Variants in CHMP4B observed in about 807,000 individuals in gnomAD.
The protein encoded by CHMP4B is charged multivesicular body protein 4B.
Under a neutral mutation model 25.1 loss-of-function variants are expected in CHMP4B, and 1 was observed. That is an observed-to-expected ratio of 0.04 (90% CI 0.01 to 0.19). The LOEUF (loss-of-function observed/expected upper bound fraction) is 0.19. Among genes scored for constraint, CHMP4B ranks in the 10% least tolerant of loss-of-function variants. The pLI is 1.00. For synonymous variants in CHMP4B, 101 were observed against 115.6 expected, an observed-to-expected ratio of 0.87 and a Z score of 0.81; for missense variants, 151 against 289.7, an observed-to-expected ratio of 0.52 and a Z score of 3.48.
intron 1 of CHMP4B, among the ~76,000 whole-genome samples, chr20:33,837,982 T>C (rs1208824981): frequency 6.6e-6 from 1 of 152,184 alleles, no homozygotes; most frequent in Non-Finnish European, 1.5e-5. Context: ...GTGTCCTTGA[T>C]GAGGAGTCTG....
chr20:33,824,174 A>G (rs752629298), intron 1 of CHMP4B, among the ~76,000 whole-genome samples: 8 of 152,218 alleles, frequency 5.3e-5, no homozygotes, highest in Non-Finnish European at 8.8e-5. Context: ...AGCCTTATGT[A>G]GGGCAGATTA....
intron 1 of CHMP4B, among the ~76,000 whole-genome samples, chr20:33,837,837 G>T (rs1437098227): frequency 6.6e-6 from 1 of 152,180 alleles, no homozygotes; most frequent in East Asian, 1.9e-4. Context: ...ACATTTTCTG[G>T]ATCACACAAG....
intron 2 of CHMP4B, 70 bp from the exon 3 acceptor site, chr20:33,850,882 C>T (rs965776508): frequency 2.0e-5 from 22 of 1,118,180 alleles, no homozygotes; most frequent in Non-Finnish European, 2.7e-5. Flanking sequence ...TTTCTGCTCC[C>T]GCCTTGCCTT....
At position 33,811,458 on chromosome 20, in the gene CHMP4B, G is replaced by T. The variant is rs1205862038; in HGVS notation, c.-11G>T. On this transcript the variant is annotated 5_prime_UTR_variant, in exon 1 of 5. Coordinates refer to ENST00000217402, the MANE Select transcript of CHMP4B (RefSeq NM_176812.5). ...AGCGGGCGGCGAAGGCCGGCGCGGC[G>T]AGCAGCAACCATGTCGGTGTTCGGG... 8 of 1,516,226 alleles carry T rather than the reference G, an allele frequency of 5.3e-6. No homozygotes were observed. The highest frequency in any genetic ancestry group is 4.5e-5 in the Admixed American group (2 of 44,558). The allele number at this position is 1,516,226 out of a possible 1,614,324, so 93.9% of individuals were successfully genotyped here.
At chr20:33,848,028 C>CT (rs1979735680) in intron 1 of CHMP4B, among the ~76,000 whole-genome samples, 1 of 151,992 alleles carries the variant, frequency 6.6e-6, no homozygotes, top group Non-Finnish European at 1.5e-5. Flanking sequence ...ATGGGAGCCG[C>CT]TTTTTTTGAG....
intron 1 of CHMP4B, among the ~76,000 whole-genome samples, chr20:33,841,865 G>A (rs1979551414): frequency 6.6e-6 from 1 of 152,176 alleles, no homozygotes; most frequent in African/African-American, 2.4e-5. Flanking sequence ...TAGGCAGACT[G>A]TTTTCCTTAT....
Position 33,853,619 on chromosome 20 carries a change from G to T in CHMP4B, c.*59G>T. On this transcript the variant is annotated 3_prime_UTR_variant, in exon 5 of 5. Transcript: ENST00000217402. ...GTGGTGGCCTGCGCAGCGAGCAGGC[G>T]TGTGCGTGTGTGGGGCAGGCAGGAT... The T allele has an allele frequency of 7.0e-7, 1 of 1,432,236 alleles. No individual in the cohort carries two copies. Among genetic ancestry groups the T allele is most frequent in the Non-Finnish European group, 9.9e-7 (1 of 1,014,712 alleles). The allele number at this position is 1,432,236 out of a possible 1,614,324, so 88.7% of individuals were successfully genotyped here.
intron 1 of CHMP4B, among the ~76,000 whole-genome samples, chr20:33,833,912 C>G (rs1306698843): frequency 6.6e-6 from 1 of 152,160 alleles, no homozygotes; most frequent in African/African-American, 2.4e-5. Context: ...CCCTAGTTCC[C>G]TAGCAGGGTA....
chr20:33,836,543 C>A (rs1221761727), intron 1 of CHMP4B, among the ~76,000 whole-genome samples: 1 of 152,046 alleles, frequency 6.6e-6, no homozygotes, highest in Non-Finnish European at 1.5e-5. Context: ...TCTCTGTCAT[C>A]CTTTTGAGTG....
At chr20:33,849,296 C>T (rs1208723591) in intron 2 of CHMP4B, among the ~76,000 whole-genome samples, 2 of 152,208 alleles carry the variant, frequency 1.3e-5, no homozygotes, top group African/African-American at 4.8e-5. Flanking sequence ...AGGCCTCTCT[C>T]TTGAATACAA....
intron 1 of CHMP4B, among the ~76,000 whole-genome samples, chr20:33,811,876 C>T (rs1978631082): frequency 6.6e-6 from 1 of 152,156 alleles, no homozygotes; most frequent in Non-Finnish European, 1.5e-5. Context: ...CCTCTCCCCT[C>T]AGCCTCTCTC....
chr20:33,836,503 G>A lies in CHMP4B; in HGVS notation c.191-11964G>A, dbSNP rs541985738. The stretch of plus-strand genomic sequence containing the variant: ...TAGCTGAGGAAGAGGCACTATGACT[G>A]GCCCCATGTGAGTACTTAATATTAT... On this transcript the variant is annotated intron_variant, in intron 1 of 4. Transcript: ENST00000217402. Among the ~76,000 whole-genome samples, 16 of 152,038 alleles carry A rather than the reference G, an allele frequency of 1.1e-4. No individual in the cohort carries two copies. In the South Asian group the frequency reaches 3.1e-3, roughly 30 times the overall value.
intron 1 of CHMP4B, among the ~76,000 whole-genome samples, chr20:33,813,485 A>G (rs1287059885): frequency 1.3e-5 from 2 of 152,128 alleles, no homozygotes; most frequent in Non-Finnish European, 2.9e-5. Flanking sequence ...AGGCAGCTGC[A>G]GTGGTCCATT....
chr20:33,839,747 G>A (rs989655893), intron 1 of CHMP4B, among the ~76,000 whole-genome samples: 1 of 152,062 alleles, frequency 6.6e-6, no homozygotes, highest in Non-Finnish European at 1.5e-5. Context: ...TTGGTGCGGG[G>A]TAGACGCTCT....
At chr20:33,811,809 G>T (rs779712898) in intron 1 of CHMP4B, 151 bp downstream of exon 1, 1 of 786,276 alleles carries the variant, frequency 1.3e-6, no homozygotes, top group Non-Finnish European at 2.2e-6. Context: ...CCCCCTCCCC[G>T]ACTCCCTTCA....
chr20:33,850,012 A>G (rs1004266660), intron 2 of CHMP4B, among the ~76,000 whole-genome samples: 1 of 152,208 alleles, frequency 6.6e-6, no homozygotes, highest in African/African-American at 2.4e-5. Flanking sequence ...CCTGGCCTCA[A>G]GTGATCCTCC....
chr20:33,826,445 G>C (rs1979097132), intron 1 of CHMP4B, among the ~76,000 whole-genome samples: 1 of 152,128 alleles, frequency 6.6e-6, no homozygotes, highest in Non-Finnish European at 1.5e-5. Flanking sequence ...AGGGGCCCTG[G>C]ATGCCAAGCT....
Position 33,811,667 on chromosome 20 carries a change from G to A in CHMP4B, c.190+9G>A. 2 of 1,612,150 alleles carry A rather than the reference G, an allele frequency of 1.2e-6. No homozygotes were observed. The highest frequency in any genetic ancestry group is 2.2e-5 in the East Asian group (1 of 44,830). On this transcript the variant is annotated intron_variant, in intron 1 of 4. Transcript: ENST00000217402. Reference sequence around the variant, plus strand: ...CACCAAAAACAAGCGCGGTGAGGCTGCCCGGCCCCTTCAGACTTGCCACGG... The same window carrying A: ...CACCAAAAACAAGCGCGGTGAGGCTACCCGGCCCCTTCAGACTTGCCACGG...
rs77394981 is a variant in CHMP4B, at chr20:33,812,992, T to C, written c.190+1334T>C. On this transcript the variant is annotated intron_variant, in intron 1 of 4. Coordinates refer to ENST00000217402, the MANE Select transcript of CHMP4B (RefSeq NM_176812.5). Reference sequence around the variant, plus strand: ...AACAGGAAAATAAATGAAGAAAATATTGTCCGGGGGTGATAAGTACTAAAC... The same window carrying C: ...AACAGGAAAATAAATGAAGAAAATACTGTCCGGGGGTGATAAGTACTAAAC... Among the ~76,000 whole-genome samples the C allele has an allele frequency of 3.2e-4, 49 of 152,136 alleles. No individual in the cohort carries two copies. The East Asian group carries it at 9.3e-3, about 29-fold the overall frequency.
Sources: allele counts gnomAD v4.1 joint callset (sites outside exome capture counted in the v4.1 genomes callset), GRCh38; gene constraint gnomAD v4.1.1; transcripts MANE v1.5; gene names NCBI Gene and HGNC (gene_info 2026-07-23, HGNC 2026-07-21).